Variants in LATS1 observed in about 807,000 individuals in gnomAD.
LATS1 encodes the protein serine/threonine-protein kinase LATS1.
LATS1 carries 25 observed loss-of-function variants against 106.6 expected under a neutral mutation model. The observed-to-expected ratio is 0.23, with a 90% CI of 0.17 to 0.33. The LOEUF (loss-of-function observed/expected upper bound fraction) is 0.33, where lower values mean the gene tolerates loss of function less well. Ranked by LOEUF, LATS1 falls within the 10% of genes least tolerant of loss-of-function variation. LATS1 has a pLI of 1.00. For synonymous variants in LATS1, 465 were observed against 455.6 expected, an observed-to-expected ratio of 1.02 and a Z score of -0.26; for missense variants, 1,040 against 1,382.6, an observed-to-expected ratio of 0.75 and a Z score of 3.93.
Position 149,676,264 on chromosome 6 carries a change from A to C in LATS1, c.2879T>G (p.Met960Arg). The C allele has an allele frequency of 1.2e-6, 2 of 1,603,228 alleles. No individual in the cohort carries two copies. Among genetic ancestry groups the C allele is most frequent in the Non-Finnish European group, 8.5e-7 (1 of 1,170,110 alleles). ...GATATAGATGCCATACCTTACCTTCATTTGTGTTTCTAATGGTGTTTGTGC... is the reference window on the plus strand; with the variant it reads ...GATATAGATGCCATACCTTACCTTCCTTTGTGTTTCTAATGGTGTTTGTGC... ...FLAQTPLETQ[M>R]KVINWQTSLH... The change falls in exon 7 of 8, where the codon ATG becomes AGG. Residue 960 changes from methionine (M) to arginine (R), a missense_variant. Physicochemically the swap from Met to Arg is moderately conservative, Grantham distance 91. Around this residue, in one of 7 missense-constraint regions of LATS1, gnomAD observed 113 missense variants for 146.3 expected, o/e 0.77. Transcript: ENST00000543571.
At chr6:149,697,124 T>G in intron 2 of LATS1, 1 of 1,346,744 alleles carries the variant, frequency 7.4e-7, no homozygotes, top group Non-Finnish European at 9.8e-7. Flanking sequence ...TCAAACGACA[T>G]TTTTAAATGA....
At chr6:149,694,265 T>C (rs1259103808) in intron 3 of LATS1, among the ~76,000 whole-genome samples, 1 of 152,082 alleles carries the variant, frequency 6.6e-6, no homozygotes, top group South Asian at 2.1e-4. Context: ...TGGCAAATAA[T>C]AAAGGAAATA....
chr6:149,695,453 C>G (rs944611392), intron 2 of LATS1, among the ~76,000 whole-genome samples: 3 of 152,148 alleles, frequency 2.0e-5, no homozygotes, highest in Admixed American at 2.0e-4. Context: ...GTGGTCAGAT[C>G]ACTTAAGACC....
At chr6:149,687,897 G>T (rs1267984125) in intron 3 of LATS1, among the ~76,000 whole-genome samples, 4 of 134,874 alleles carry the variant, frequency 3.0e-5, no homozygotes, top group Admixed American at 8.0e-5. Flanking sequence ...TTTTTGAGGC[G>T]GAGTCTCGCT....
At chr6:149,680,580 G>A in intron 4 of LATS1, 123 bp from the exon 5 acceptor site, 1 of 682,886 alleles carries the variant, frequency 1.5e-6, no homozygotes, top group Non-Finnish European at 2.5e-6. Flanking sequence ...AATAAAGCAT[G>A]TTAGAAATCT....
chr6:149,682,044 G>A (rs147884962), intron 4 of LATS1, among the ~76,000 whole-genome samples: 3,581 of 151,860 alleles, frequency 0.024, 82 homozygotes, highest in Non-Finnish European at 0.036. Flanking sequence ...CCCGGGAGGC[G>A]GAGGTTGCAG....
rs1582857119 is a variant in LATS1, at chr6:149,675,216, A to C, written c.2883+1044T>G. Among the ~76,000 whole-genome samples, 2 of 46,556 alleles carry C rather than the reference A, an allele frequency of 4.3e-5. 1 individual carries two copies. 30.5% of individuals were successfully genotyped at this position (46,556 alleles called of 152,430 possible). A position where few individuals can be genotyped will look rare whatever the true frequency, so the allele number is the denominator to read the frequency against. ...TGATGACAGAGCAAGACTCTGTATC[A>C]AAAAAAAAAAAAAAAAGAGAGAATG... is the stretch of plus-strand genomic sequence containing the variant. On this transcript the variant is annotated intron_variant, in intron 7 of 7. Coordinates refer to ENST00000543571, the MANE Select transcript of LATS1 (RefSeq NM_004690.4).
chr6:149,712,041 G>A (rs1456242536), intron 1 of LATS1, among the ~76,000 whole-genome samples: 1 of 152,114 alleles, frequency 6.6e-6, no homozygotes, highest in Non-Finnish European at 1.5e-5. Flanking sequence ...TGGACCAAGA[G>A]GAACCATATC....
At chr6:149,696,631 T>C (rs573841859) in intron 2 of LATS1, among the ~76,000 whole-genome samples, 11 of 149,644 alleles carry the variant, frequency 7.4e-5, no homozygotes, top group South Asian at 2.1e-4. Context: ...ATTAAGCACA[T>C]TGCCATTGTG....
At chr6:149,663,755 A>G (rs185086941) in intron 7 of LATS1, among the ~76,000 whole-genome samples, 490 of 152,188 alleles carry the variant, frequency 3.2e-3, no homozygotes, top group Non-Finnish European at 5.5e-3. Flanking sequence ...TTATGCTTCC[A>G]GTTTCATCAC....
At chr6:149,714,264 G>A (rs918117305) in intron 1 of LATS1, among the ~76,000 whole-genome samples, 9 of 151,836 alleles carry the variant, frequency 5.9e-5, no homozygotes, top group Admixed American at 5.3e-4. Flanking sequence ...GAGCTACCAC[G>A]CCCAGCTATT....
At chr6:149,715,886 C>G (rs1182671440) in intron 1 of LATS1, among the ~76,000 whole-genome samples, 1 of 152,104 alleles carries the variant, frequency 6.6e-6, no homozygotes, top group Admixed American at 6.5e-5. Flanking sequence ...TTCTTCAAAG[C>G]AAAACTGCTT....
rs901772516 is a variant in LATS1, at chr6:149,658,722, C to G, written c.*3007G>C. 1 of 152,110 alleles carries G rather than the reference C, an allele frequency of 6.6e-6. No individual in the cohort carries two copies. Among genetic ancestry groups the G allele is most frequent in the Non-Finnish European group, 1.5e-5 (1 of 68,024 alleles). 9.4% of individuals were successfully genotyped at this position (152,110 alleles called of 1,614,324 possible). On this transcript the variant is annotated 3_prime_UTR_variant, in exon 8 of 8. Transcript: ENST00000543571. ...TTTAAAAAAGTCAATCTCAAAGTGACTTTTTAGTCATACATTCTATAGTTT... is the reference window on the plus strand; with the variant it reads ...TTTAAAAAAGTCAATCTCAAAGTGAGTTTTTAGTCATACATTCTATAGTTT...
At chr6:149,676,389 A>G (rs368654017) in intron 6 of LATS1, 23 bp from the exon 7 acceptor site, 16 of 1,502,386 alleles carry the variant, frequency 1.1e-5, no homozygotes, top group Non-Finnish European at 1.5e-5. Flanking sequence ...AGTTATTTAT[A>G]AGCACTTTAA....
chr6:149,667,689 C>G (rs1255296064), intron 7 of LATS1, among the ~76,000 whole-genome samples: 1 of 152,070 alleles, frequency 6.6e-6, no homozygotes, highest in Admixed American at 6.5e-5. Context: ...CATAAACCTA[C>G]AGATTTAAGA....
intron 3 of LATS1, among the ~76,000 whole-genome samples, chr6:149,692,648 T>C (rs1782825315): frequency 6.6e-6 from 1 of 151,976 alleles, no homozygotes; most frequent in African/African-American, 2.4e-5. Context: ...TACAGCCCTC[T>C]TATAAATCAA....
intron 7 of LATS1, among the ~76,000 whole-genome samples, chr6:149,675,045 C>T (rs764469785): frequency 4.0e-5 from 6 of 151,886 alleles, no homozygotes; most frequent in African/African-American, 7.3e-5. Context: ...GGTGAAACCT[C>T]GTCTCTACTA....
At chr6:149,674,989 C>A (rs1019007898) in intron 7 of LATS1, among the ~76,000 whole-genome samples, 3 of 151,928 alleles carry the variant, frequency 2.0e-5, no homozygotes, top group Non-Finnish European at 4.4e-5. Flanking sequence ...GAGGCCGAGG[C>A]GGGCAGATCA....
At chr6:149,701,269 A>G (rs1783445604) in intron 2 of LATS1, among the ~76,000 whole-genome samples, 1 of 152,246 alleles carries the variant, frequency 6.6e-6, no homozygotes, top group Admixed American at 6.5e-5. Context: ...CTGAAGAGAA[A>G]TATTAAAGAC....
Sources: allele counts gnomAD v4.1 joint callset (sites outside exome capture counted in the v4.1 genomes callset), GRCh38; gene constraint gnomAD v4.1.1; regional missense constraint gnomAD v4.1.1; transcripts MANE v1.5; gene names NCBI Gene and HGNC (gene_info 2026-07-23, HGNC 2026-07-21).